The following SELENON variants were observed in gnomAD, a reference collection of about 807,000 sequenced individuals.
SELENON encodes the protein selenoprotein N.
A neutral mutation model predicts 59.5 loss-of-function variants in SELENON; 44 were observed. The ratio of observed to expected loss-of-function variants is 0.74; its 90% CI spans 0.58 to 0.95. The LOEUF (loss-of-function observed/expected upper bound fraction) is 0.95, where lower values mean the gene tolerates loss of function less well. Ranked by LOEUF, SELENON falls within the 40% of genes least tolerant of loss-of-function variation. The probability of loss-of-function intolerance (pLI) is 0.00; values close to 1 mark genes in which losing one functional copy is unlikely to be tolerated. For missense variants in SELENON, 674 were observed against 721.4 expected, an observed-to-expected ratio of 0.93 and a Z score of 0.75; for synonymous variants, 320 against 305.6, an observed-to-expected ratio of 1.05 and a Z score of -0.49.
rs541371440 is a variant in SELENON at position 25,805,564 on chromosome 1, A to C, written c.537+289A>C. Among the ~76,000 whole-genome samples, 55 of 151,474 alleles carry C rather than the reference A, an allele frequency of 3.6e-4. No homozygotes were observed. The South Asian group carries it at 0.011, about 31-fold the overall frequency. ...AGGGCTCAGCAGGGTGACTGAGCACAGGTTGGGGGGGTCTCGGAGGAAGCA... is the reference window on the plus strand; with the variant it reads ...AGGGCTCAGCAGGGTGACTGAGCACCGGTTGGGGGGGTCTCGGAGGAAGCA... On this transcript the variant is annotated intron_variant, in intron 4 of 12. Transcript: ENST00000361547.
chr1:25,811,793 G>T lies in SELENON; in HGVS notation c.1195G>T (p.Val399Leu). The T allele has an allele frequency of 6.3e-7, 1 of 1,589,838 alleles. No individual in the cohort carries two copies. Among genetic ancestry groups the T allele is most frequent in the Non-Finnish European group, 8.6e-7 (1 of 1,168,248 alleles). The change falls in exon 9 of 13, where the codon GTG becomes TTG. Residue 399 changes from valine (V) to leucine (L), a missense_variant. Val to Leu is a conservative substitution (Grantham distance 32). Coordinates refer to ENST00000361547, the MANE Select transcript of SELENON (RefSeq NM_020451.3). ...GCCTTCAGGGGAGCCCCTGCAGTTT[G>T]TGTTTGAGGAGATCAAGTGGCAGCA...
intron 9 of SELENON, 131 bp downstream of exon 8, chr1:25,812,010 C>T: frequency 4.0e-6 from 4 of 995,876 alleles, no homozygotes; most frequent in Non-Finnish European, 3.1e-6. Context: ...ACTGTTGGGC[C>T]CAGCTGTGCC....
chr1:25,814,023 G>A (rs780259220), intron 11 of SELENON, 30 bp downstream of exon 10: 11 of 1,610,744 alleles, frequency 6.8e-6, no homozygotes, highest in Admixed American at 5.0e-5. Context: ...GAACAGGAGC[G>A]TCCGGAACAG....
intron 5 of SELENON, 78 bp from the exon 5 acceptor site, chr1:25,808,932 CCCCTGGGCCGTCGGGT>C: frequency 6.2e-7 from 1 of 1,602,612 alleles, no homozygotes; most frequent in Non-Finnish European, 8.5e-7. Flanking sequence ...CCCCATGGGG[CCCCTGGGCCGTCGGGT>C]CTGGGCTGAC....
intron 9 of SELENON, 145 bp downstream of exon 8, chr1:25,812,024 G>T: frequency 4.5e-6 from 4 of 888,400 alleles, no homozygotes; most frequent in Non-Finnish European, 7.1e-6. Context: ...CTGTGCCAGC[G>T]GGGCCTCCCC....
chr1:25,815,457 T>G (rs572728292), intron 12 of SELENON, 91 bp from the exon 12 acceptor site: 1 of 1,135,692 alleles, frequency 8.8e-7, no homozygotes, highest in East Asian at 2.4e-5. Context: ...CAAGGCCTGA[T>G]AGCATCCCTG....
intron 3 of SELENON, among the ~76,000 whole-genome samples, chr1:25,803,438 TGA>T (rs1340267137): frequency 6.6e-6 from 1 of 152,194 alleles, no homozygotes; most frequent in Non-Finnish European, 1.5e-5. Context: ...GGTAGAGTTA[TGA>T]GAGTGTTTAA....
intron 9 of SELENON, among the ~76,000 whole-genome samples, chr1:25,812,470 C>CAT (rs66698006): frequency 9.4e-5 from 1 of 10,594 alleles, no homozygotes; most frequent in Non-Finnish European, 2.8e-4. Context: ...TATACACACA[C>CAT]ACATACACAC....
rs1553198459 is a variant in SELENON at position 25,800,201 on chromosome 1, G to GGCCGCCGGCA, written c.-22_-13dup. On this transcript the variant is annotated 5_prime_UTR_variant, in exon 1 of 13. Transcript: ENST00000361547. ...CCCCGCCCCGCTCTTTCGCTTCCCG[G>GGCCGCCGGCA]GCCGCCGGCAGCCGCCGCCAGCCGC... 24 of 455,318 alleles carry GGCCGCCGGCA rather than the reference G, an allele frequency of 5.3e-5. No homozygotes were observed. Among genetic ancestry groups the GGCCGCCGGCA allele is most frequent in the Admixed American group, 6.7e-5 (1 of 14,998 alleles). 28.2% of individuals were successfully genotyped at this position (455,318 alleles called of 1,614,324 possible).
Position 25,815,646 on chromosome 1 carries a change from C to G in SELENON, c.1701C>G (p.Asp567Glu). The G allele has an allele frequency of 6.2e-7, 1 of 1,614,226 alleles. No individual in the cohort carries two copies. Among genetic ancestry groups the G allele is most frequent in the Non-Finnish European group, 8.5e-7 (1 of 1,180,032 alleles). The change falls in exon 13 of 13, where the codon GAC (aspartate) becomes GAG (glutamate). Residue 567 changes from aspartate (D) to glutamate (E), a missense_variant. Physicochemically the swap from Asp to Glu is conservative, Grantham distance 45. Coordinates refer to ENST00000361547, the MANE Select transcript of SELENON (RefSeq NM_020451.3). ...TCAGCTTCTCATCCACCTTTGAAGACCCGTCCACGGCCACCTACATGCAGT... is the reference window on the plus strand; with the variant it reads ...TCAGCTTCTCATCCACCTTTGAAGAGCCGTCCACGGCCACCTACATGCAGT...
Position 25,815,548 on chromosome 1 carries a change from G to T in SELENON, c.1603G>T (p.Val535Phe). The change falls in exon 13 of 13, where the codon GTC (valine) becomes TTC (phenylalanine). Residue 535 changes from valine to phenylalanine, a missense_variant and splice_region_variant. Transcript: ENST00000361547. Reference sequence around the variant, plus strand: ...TTGCCTCACCCGGCCCTTCTCCCAGGTCCATCACATCAATGCCAACTACTT... The same window carrying T: ...TTGCCTCACCCGGCCCTTCTCCCAGTTCCATCACATCAATGCCAACTACTT... 6.2e-7 allele frequency: 1 copy of T among 1,614,008 alleles called. No individual in the cohort carries two copies. Among genetic ancestry groups the T allele is most frequent in the African/African-American group, 1.3e-5 (1 of 75,046 alleles).
intron 12 of SELENON, among the ~76,000 whole-genome samples, chr1:25,814,843 G>A (rs2047996832): frequency 6.6e-6 from 1 of 152,132 alleles, no homozygotes; most frequent in Non-Finnish European, 1.5e-5. Flanking sequence ...CTGTAGGAGG[G>A]GGCCGGCTTC....
chr1:25,812,584 C>CACACACACACAT (rs980442448), intron 9 of SELENON, 103 bp from the exon 9 acceptor site: 1 of 751,532 alleles, frequency 1.3e-6, no homozygotes, highest in East Asian at 2.8e-5. Flanking sequence ...CACACACACA[C>CACACACACACAT]ACACACACAC....
At chr1:25,806,409 A>G (rs1351478054) in intron 4 of SELENON, among the ~76,000 whole-genome samples, 1 of 152,176 alleles carries the variant, frequency 6.6e-6, no homozygotes. Flanking sequence ...GTGGGAGGCA[A>G]GAAGACCAGT....
chr1:25,808,589 C>G lies in SELENON; in HGVS notation c.547C>G (p.Leu183Val). 1 of 1,613,720 alleles carries G rather than the reference C, an allele frequency of 6.2e-7. No individual in the cohort carries two copies. The highest frequency in any genetic ancestry group is 8.5e-7 in the Non-Finnish European group (1 of 1,179,910). The change falls in exon 5 of 13, where the codon CTC (leucine) becomes GTC (valine). Residue 183 changes from leucine (L) to valine (V), a missense_variant. Leu to Val is a conservative substitution (Grantham distance 32, BLOSUM62 1). Coordinates refer to ENST00000361547, the MANE Select transcript of SELENON (RefSeq NM_020451.3). ...CTTTCCCCCGCCCCAGGTCTCCCGC[C>G]TCGCCCTGTCCGGCCTCCGAAACTG...
chr1:25,812,357 A>T (rs1250718215), intron 9 of SELENON, among the ~76,000 whole-genome samples: 1 of 152,106 alleles, frequency 6.6e-6, no homozygotes, highest in Non-Finnish European at 1.5e-5. Context: ...AAAATAAAAA[A>T]TAAATGAAAA....
Position 25,812,720 on chromosome 1 carries a change from C to G in SELENON, c.1315C>G (p.Arg439Gly), listed in dbSNP as rs377215510. The change falls in exon 10 of 13, where the codon CGA (arginine) becomes GGA (glycine). Residue 439 changes from arginine to glycine, a missense_variant. By Grantham distance (125) the Arg-to-Gly change is moderately radical (BLOSUM62 -2). Transcript: ENST00000361547. Reference sequence around the variant, plus strand: ...CTTGCCGTTCACTGAGGCCTTCGACCGAGCCAAGGCTGAGAACAAGCTGGT... The same window carrying G: ...CTTGCCGTTCACTGAGGCCTTCGACGGAGCCAAGGCTGAGAACAAGCTGGT... 2.5e-6 allele frequency: 4 copies of G among 1,612,956 alleles called. No homozygotes were observed. The East Asian group carries it at 8.9e-5, about 36-fold the overall frequency.
chr1:25,812,257 G>A (rs183153550), intron 9 of SELENON, among the ~76,000 whole-genome samples: 2 of 152,206 alleles, frequency 1.3e-5, no homozygotes, highest in Admixed American at 1.3e-4. Context: ...TGAGGCAGGA[G>A]GACTGTTTGA....
At chr1:25,808,080 T>C (rs79613573) in intron 4 of SELENON, among the ~76,000 whole-genome samples, 2,718 of 152,290 alleles carry the variant, frequency 0.018, 71 homozygotes, top group African/African-American at 0.063. Flanking sequence ...AACCCTGAGC[T>C]GGCCAGTGGG....
Sources: allele counts gnomAD v4.1 joint callset (sites outside exome capture counted in the v4.1 genomes callset), GRCh38; gene constraint gnomAD v4.1.1; transcripts MANE v1.5; gene names NCBI Gene and HGNC (gene_info 2026-07-23, HGNC 2026-07-21).